The following TNKS variants were observed in gnomAD, a reference collection of about 807,000 sequenced individuals.
TNKS encodes poly [ADP-ribose] polymerase tankyrase-1.
A neutral mutation model predicts 135.8 loss-of-function variants in TNKS; 72 were observed. That is an observed-to-expected ratio of 0.53 (90% CI 0.44 to 0.64). The LOEUF is 0.64. Ranked by LOEUF, TNKS falls within the 30% of genes least tolerant of loss-of-function variation. The probability of loss-of-function intolerance (pLI) is 0.00; values close to 1 mark genes in which losing one functional copy is unlikely to be tolerated. For missense variants in TNKS, 1,769 were observed against 1,674.0 expected (o/e 1.06, Z -0.99); for synonymous variants, 849 against 649.3 (o/e 1.31, Z -4.68).
intron 3 of TNKS, among the ~76,000 whole-genome samples, chr8:9,627,338 A>G (rs1800098443): frequency 6.6e-6 from 1 of 152,230 alleles, no homozygotes; most frequent in Non-Finnish European, 1.5e-5. Flanking sequence ...CAAATAAATT[A>G]AACCCAAAGA....
intron 20 of TNKS, among the ~76,000 whole-genome samples, chr8:9,756,772 T>C (rs1391104281): frequency 6.6e-6 from 1 of 152,180 alleles, no homozygotes; most frequent in African/African-American, 2.4e-5. Flanking sequence ...TACCAGGCCC[T>C]GTAAATACAG....
At chr8:9,703,374 A>C (rs1803905785) in intron 5 of TNKS, among the ~76,000 whole-genome samples, 1 of 152,186 alleles carries the variant, frequency 6.6e-6, no homozygotes, top group Non-Finnish European at 1.5e-5. Flanking sequence ...AGGTAAGTGA[A>C]ATTGTACTGT....
chr8:9,708,293 C>A, intron 8 of TNKS, 78 bp from the exon 9 acceptor site: 1 of 1,189,712 alleles, frequency 8.4e-7, no homozygotes, highest in Non-Finnish European at 1.1e-6. Context: ...AATAATATTC[C>A]TACTTATTTA....
At chr8:9,667,236 T>C (rs916275556) in intron 3 of TNKS, among the ~76,000 whole-genome samples, 1 of 152,244 alleles carries the variant, frequency 6.6e-6, no homozygotes, top group Non-Finnish European at 1.5e-5. Flanking sequence ...AAAGAACTCA[T>C]TTTTGTTTAA....
intron 3 of TNKS, among the ~76,000 whole-genome samples, chr8:9,628,765 C>T (rs775888219): frequency 2.0e-5 from 3 of 152,152 alleles, no homozygotes; most frequent in African/African-American, 4.8e-5. Context: ...GGTACATATC[C>T]TACTACCTAC....
At chr8:9,567,951 AG>A (rs1209450630) in intron 1 of TNKS, among the ~76,000 whole-genome samples, 1 of 152,178 alleles carries the variant, frequency 6.6e-6, no homozygotes, top group African/African-American at 2.4e-5. Context: ...GTGAAAAAAA[AG>A]GGGGGTATCA....
In TNKS at chr8:9,556,450, G is replaced by C. The variant is rs1351636697; in HGVS notation, c.511G>C (p.Gly171Arg). 3 of 1,614,172 alleles carry C rather than the reference G, an allele frequency of 1.9e-6. No individual in the cohort carries two copies. The highest frequency in any genetic ancestry group is 2.2e-5 in the South Asian group (2 of 91,088). ...STAPLGPGAA[G>R]PGTGVPAVSG... Reference sequence around the variant, plus strand: ...AGCACCACTGGGGCCTGGGGCAGCAGGACCTGGGACAGGGGTCCCAGCAGT... The same window carrying C: ...AGCACCACTGGGGCCTGGGGCAGCACGACCTGGGACAGGGGTCCCAGCAGT... Residue 171 changes from glycine (G) to arginine (R), a missense_variant, in exon 1 of 27, where the codon GGA becomes CGA. Gly to Arg is a moderately radical substitution (Grantham distance 125). Transcript: ENST00000310430.
intron 9 of TNKS, among the ~76,000 whole-genome samples, chr8:9,709,534 G>A (rs568640304): frequency 9.9e-5 from 15 of 152,198 alleles, no homozygotes; most frequent in South Asian, 4.1e-4. Context: ...GCATATAAAC[G>A]TCTCCTGTAG....
chr8:9,606,894 T>C (rs1177020126), intron 2 of TNKS, among the ~76,000 whole-genome samples: 1 of 152,138 alleles, frequency 6.6e-6, no homozygotes, highest in Non-Finnish European at 1.5e-5. Flanking sequence ...TAAGCTTTGT[T>C]AGTGCAGATC....
intron 3 of TNKS, among the ~76,000 whole-genome samples, chr8:9,662,774 A>G (rs1801784926): frequency 6.6e-6 from 1 of 152,206 alleles, no homozygotes; most frequent in Admixed American, 6.5e-5. Context: ...AAAAGTATGT[A>G]CTTTTCATTC....
chr8:9,748,113 C>A lies in TNKS; in HGVS notation c.2733C>A (p.Ala911=), dbSNP rs757463250. The A allele has an allele frequency of 2.5e-6, 4 of 1,613,928 alleles. No homozygotes were observed. The Admixed American group carries it at 6.7e-5, about 27-fold the overall frequency. Residue 911 remains alanine, a synonymous_variant, in exon 18 of 27, where the codon GCC becomes GCA. Coordinates refer to ENST00000310430, the MANE Select transcript of TNKS (RefSeq NM_003747.3). The part of the protein sequence containing the change: ...KWAFTPLHEA[A]QKGRTQLCAL... ...CGTTTACTCCCCTCCATGAAGCAGCCCAGAAAGGAAGGACGCAGCTGTGCG... is the reference window on the plus strand; with the variant it reads ...CGTTTACTCCCCTCCATGAAGCAGCACAGAAAGGAAGGACGCAGCTGTGCG...
intron 20 of TNKS, among the ~76,000 whole-genome samples, chr8:9,753,840 T>G (rs1394251927): frequency 6.6e-6 from 1 of 152,202 alleles, no homozygotes; most frequent in East Asian, 1.9e-4. Flanking sequence ...GTTTTCAGCT[T>G]ACGCTTACGC....
In TNKS at chr8:9,556,274, C is replaced by T. The variant is rs1309858627; in HGVS notation, c.335C>T (p.Ser112Phe). ...APVVPAVSTS[S>F]AAGVAPNPAG... ...GTGGTCCCAGCGGTTTCTACTTCAT[C>T]TGCCGCTGGGGTCGCTCCCAACCCA... Residue 112 changes from serine (S) to phenylalanine (F), a missense_variant, in exon 1 of 27, where the codon TCT becomes TTT. Around this residue, in one of 5 missense-constraint regions of TNKS, gnomAD observed 450 missense variants for 304.9 expected, o/e 1.48. Coordinates refer to ENST00000310430, the MANE Select transcript of TNKS (RefSeq NM_003747.3). 6.2e-7 allele frequency: 1 copy of T among 1,614,276 alleles called. No homozygotes were observed. Among genetic ancestry groups the T allele is most frequent in the Non-Finnish European group, 8.5e-7 (1 of 1,180,042 alleles).
At chr8:9,673,943 G>T (rs1802421374) in intron 3 of TNKS, among the ~76,000 whole-genome samples, 1 of 152,136 alleles carries the variant, frequency 6.6e-6, no homozygotes, top group African/African-American at 2.4e-5. Flanking sequence ...TTTTGAAAGA[G>T]CTGGTTTTTA....
chr8:9,752,120 TGA>T (rs1806576817), intron 19 of TNKS, among the ~76,000 whole-genome samples: 1 of 152,174 alleles, frequency 6.6e-6, no homozygotes, highest in Non-Finnish European at 1.5e-5. Context: ...AGAACACAAC[TGA>T]GAGGTCATTT....
chr8:9,689,309 A>G (rs1470807447), intron 5 of TNKS, among the ~76,000 whole-genome samples: 1 of 152,216 alleles, frequency 6.6e-6, no homozygotes, highest in African/African-American at 2.4e-5. Flanking sequence ...GCCTTTTAAA[A>G]GAATGTTTTC....
chr8:9,629,063 C>T (rs894918324), intron 3 of TNKS, among the ~76,000 whole-genome samples: 2 of 152,134 alleles, frequency 1.3e-5, no homozygotes, highest in East Asian at 3.8e-4. Flanking sequence ...TTGTAACTGC[C>T]AGCAAACATT....
chr8:9,775,459 C>CTATATATATATATATATA (rs59789406), intron 26 of TNKS, among the ~76,000 whole-genome samples: 80 of 80,602 alleles, frequency 9.9e-4, no homozygotes, highest in Non-Finnish European at 1.6e-3. Context: ...ATGAATGGTT[C>CTATATATATATATATATA]TATATATATA....
chr8:9,706,102 A>T, intron 6 of TNKS, 85 bp from the exon 7 acceptor site: 1 of 848,438 alleles, frequency 1.2e-6, no homozygotes, highest in Non-Finnish European at 1.8e-6. Context: ...TTGTATTGGG[A>T]TTTATTGGAT....
Sources: gnomAD v4.1 joint callset for allele counts (sites outside exome capture counted in the v4.1 genomes callset) on GRCh38, gnomAD v4.1.1 for gene constraint, gnomAD v4.1.1 regional missense constraint, MANE v1.5 for transcripts, NCBI Gene and HGNC (gene_info 2026-07-23, HGNC 2026-07-21) for gene names.